The following SLC39A12 variants were observed in gnomAD, a reference collection of about 807,000 sequenced individuals.
SLC39A12 encodes the protein zinc transporter ZIP12.
SLC39A12 carries 63 observed loss-of-function variants against 71.1 expected under a neutral mutation model. The ratio of observed to expected loss-of-function variants is 0.89; its 90% CI spans 0.72 to 1.09. The LOEUF (loss-of-function observed/expected upper bound fraction) is 1.09. Among genes scored for constraint, SLC39A12 ranks in the 50% least tolerant of loss-of-function variants. The pLI, the probability that SLC39A12 is intolerant of heterozygous loss-of-function variation, is 0.00. For missense variants in SLC39A12, 892 were observed against 812.6 expected, an observed-to-expected ratio of 1.10 and a Z score of -1.19; for synonymous variants, 351 against 301.3, an observed-to-expected ratio of 1.16 and a Z score of -1.71.
intron 5 of SLC39A12, among the ~76,000 whole-genome samples, chr10:17,978,748 A>G (rs1468413072): frequency 6.6e-6 from 1 of 152,214 alleles, no homozygotes; most frequent in Non-Finnish European, 1.5e-5. Flanking sequence ...CTCTTCTCCA[A>G]TAATTCTTCT....
At chr10:17,956,924 G>A (rs1402781938) in intron 2 of SLC39A12, among the ~76,000 whole-genome samples, 1 of 152,020 alleles carries the variant, frequency 6.6e-6, no homozygotes, top group African/African-American at 2.4e-5. Flanking sequence ...ACCTGCCATC[G>A]GCAACATCCT....
At chr10:18,011,170 G>C (rs993281896) in intron 12 of SLC39A12, among the ~76,000 whole-genome samples, 20 of 151,864 alleles carry the variant, frequency 1.3e-4, no homozygotes, top group Non-Finnish European at 2.9e-4. Flanking sequence ...ACTTACTGCA[G>C]CCTCTGCCTC....
At chr10:17,990,914 G>A (rs1258203123) in intron 7 of SLC39A12, among the ~76,000 whole-genome samples, 1 of 152,116 alleles carries the variant, frequency 6.6e-6, no homozygotes, top group African/African-American at 2.4e-5. Flanking sequence ...GCTATTCAAA[G>A]CTCTCTTTTG....
chr10:18,036,794 A>ATTTTTTTT lies in SLC39A12; in HGVS notation c.1948-5907_1948-5900dup, dbSNP rs746691202. ...TATATATATATATATATATATATAT[A>ATTTTTTTT]TTTTTTTTTTTAATGGAATCTCACT... On this transcript the variant is annotated intron_variant, in intron 12 of 12. Coordinates refer to ENST00000377369, the MANE Select transcript of SLC39A12 (RefSeq NM_001145195.2). Among the ~76,000 whole-genome samples the ATTTTTTTT allele has an allele frequency of 8.2e-4, 76 of 92,846 alleles. 2 individuals are homozygous for ATTTTTTTT. The highest frequency in any genetic ancestry group is 1.7e-3 in the South Asian group (4 of 2,300). The allele number at this position is 92,846 out of a possible 152,430, so 60.9% of individuals were successfully genotyped here.
At chr10:17,956,408 T>A (rs1226728440) in intron 2 of SLC39A12, among the ~76,000 whole-genome samples, 1 of 147,404 alleles carries the variant, frequency 6.8e-6, no homozygotes, top group Non-Finnish European at 1.5e-5. Flanking sequence ...TCTCTGAGGA[T>A]CTCATGGATA....
In SLC39A12 at chr10:17,991,191, A is replaced by G; in HGVS notation, c.1310A>G (p.His437Arg). 6.4e-7 allele frequency: 1 copy of G among 1,569,626 alleles called. No homozygotes were observed. Among genetic ancestry groups the G allele is most frequent in the Non-Finnish European group, 8.6e-7 (1 of 1,163,086 alleles). Reference sequence around the variant, plus strand: ...AAGCAGGAAGCCCCAGAATTTGGGCATTTCCATGAAAGCAAAGGTCATATT... The same window carrying G: ...AAGCAGGAAGCCCCAGAATTTGGGCGTTTCCATGAAAGCAAAGGTCATATT... ...LHKQEAPEFG[H>R]FHESKGHIWK... Residue 437 changes from histidine (H) to arginine (R), a missense_variant, in exon 8 of 13, where the codon CAT becomes CGT. By Grantham distance (29) the His-to-Arg change is conservative. Coordinates refer to ENST00000377369, the MANE Select transcript of SLC39A12 (RefSeq NM_001145195.2).
intron 1 of SLC39A12, 119 bp from the exon 2 acceptor site, chr10:17,953,072 C>T: frequency 1.6e-6 from 1 of 620,174 alleles, no homozygotes; most frequent in Non-Finnish European, 2.7e-6. Context: ...TACCTACAGA[C>T]CCCCGCTGTG....
chr10:18,036,792 A>T (rs2357789), intron 12 of SLC39A12, among the ~76,000 whole-genome samples: 62,647 of 84,486 alleles, frequency 0.74, 21,557 homozygotes, highest in Middle Eastern at 0.83. Flanking sequence ...ATATATATAT[A>T]TATTTTTTTT....
rs1319675306 is a variant in SLC39A12, at chr10:18,036,788, A to ATTTTTT, written c.1948-5916_1948-5915insTTTTTT. Reference sequence around the variant, plus strand: ...TATATATATATATATATATATATATATATATATTTTTTTTTTTAATGGAAT... The same window carrying ATTTTTT: ...TATATATATATATATATATATATATATTTTTTTATATATTTTTTTTTTTAATGGAAT... On this transcript the variant is annotated intron_variant, in intron 12 of 12. Transcript: ENST00000377369. Among the ~76,000 whole-genome samples, 26 of 17,004 alleles carry ATTTTTT rather than the reference A, an allele frequency of 1.5e-3. 2 individuals are homozygous for ATTTTTT. Among genetic ancestry groups the ATTTTTT allele is most frequent in the African/African-American group, 3.9e-3 (22 of 5,640 alleles). 11.2% of individuals were successfully genotyped at this position (17,004 alleles called of 152,430 possible).
chr10:18,026,766 A>G (rs1022256234), intron 12 of SLC39A12, among the ~76,000 whole-genome samples: 1 of 152,024 alleles, frequency 6.6e-6, no homozygotes, highest in Non-Finnish European at 1.5e-5. Context: ...AAAATCCTCA[A>G]GCTCAAAGAT....
chr10:18,015,109 A>G (rs1836339585), intron 12 of SLC39A12, among the ~76,000 whole-genome samples: 1 of 152,160 alleles, frequency 6.6e-6, no homozygotes, highest in South Asian at 2.1e-4. Context: ...GATCTCATAG[A>G]TGAGTTTTTC....
chr10:17,980,880 A>T (rs545533279), intron 5 of SLC39A12, among the ~76,000 whole-genome samples: 1 of 152,184 alleles, frequency 6.6e-6, no homozygotes, highest in African/African-American at 2.4e-5. Flanking sequence ...AGGCTGACTA[A>T]ATCAAACAGT....
chr10:17,970,629 TTG>T (rs1834944749), intron 4 of SLC39A12, among the ~76,000 whole-genome samples: 1 of 151,954 alleles, frequency 6.6e-6, no homozygotes, highest in Non-Finnish European at 1.5e-5. Context: ...TATGTTGATG[TTG>T]TATTCTGCAA....
Position 18,036,792 on chromosome 10 carries a change from A to AT in SLC39A12, c.1948-5912dup, listed in dbSNP as rs1176352939. Among the ~76,000 whole-genome samples, 28 of 84,598 alleles carry AT rather than the reference A, an allele frequency of 3.3e-4. 1 individual carries two copies. The highest frequency in any genetic ancestry group is 4.7e-4 in the Non-Finnish European group (22 of 46,316). 55.5% of individuals were successfully genotyped at this position (84,598 alleles called of 152,430 possible). A position where few individuals can be genotyped will look rare whatever the true frequency, so the allele number is the denominator to read the frequency against. The stretch of plus-strand genomic sequence containing the variant: ...TATATATATATATATATATATATAT[A>AT]TATTTTTTTTTTTAATGGAATCTCA... On this transcript the variant is annotated intron_variant, in intron 12 of 12. Transcript: ENST00000377369.
At chr10:18,035,095 T>C (rs1212443209) in intron 12 of SLC39A12, among the ~76,000 whole-genome samples, 1 of 143,902 alleles carries the variant, frequency 6.9e-6, no homozygotes, top group Admixed American at 7.0e-5. Flanking sequence ...TTCCTTCATT[T>C]CAACTTTGGT....
Position 18,003,308 on chromosome 10 carries a change from A to G in SLC39A12, c.1897A>G (p.Ile633Val), listed in dbSNP as rs1241872894. 1 of 1,613,894 alleles carries G rather than the reference A, an allele frequency of 6.2e-7. No homozygotes were observed. Among genetic ancestry groups the G allele is most frequent in the African/African-American group, 1.3e-5 (1 of 74,898 alleles). The change falls in exon 12 of 13, where the codon ATC (isoleucine) becomes GTC (valine). Residue 633 changes from isoleucine to valine, a missense_variant. Ile to Val is a conservative substitution (Grantham distance 29, BLOSUM62 3). Coordinates refer to ENST00000377369, the MANE Select transcript of SLC39A12 (RefSeq NM_001145195.2). ...AGCTGATCCATGTGTTCAAGACTGGATCTTCACAGTCACTGCTGGGATGTT... is the reference window on the plus strand; with the variant it reads ...AGCTGATCCATGTGTTCAAGACTGGGTCTTCACAGTCACTGCTGGGATGTT... ...VSADPCVQDW[I>V]FTVTAGMFLY... is the part of the protein sequence containing the mutation.
At chr10:17,967,475 A>T (rs1440306190) in intron 4 of SLC39A12, among the ~76,000 whole-genome samples, 1 of 152,194 alleles carries the variant, frequency 6.6e-6, no homozygotes, top group East Asian at 1.9e-4. Flanking sequence ...TCACTACTTC[A>T]TCTTATTGAG....
chr10:17,980,247 A>G (rs1432318701), intron 5 of SLC39A12, among the ~76,000 whole-genome samples: 4 of 152,198 alleles, frequency 2.6e-5, no homozygotes, highest in Non-Finnish European at 4.4e-5. Context: ...CTTTGTATCC[A>G]TGAAATCATC....
At chr10:18,042,288 G>C (rs991416680) in intron 12 of SLC39A12, among the ~76,000 whole-genome samples, 2 of 151,978 alleles carry the variant, frequency 1.3e-5, no homozygotes, top group Admixed American at 1.3e-4. Context: ...GACCTGCCTG[G>C]GCAATACAGG....
Sources: allele counts gnomAD v4.1 joint callset (sites outside exome capture counted in the v4.1 genomes callset), GRCh38; gene constraint gnomAD v4.1.1; transcripts MANE v1.5; gene names NCBI Gene and HGNC (gene_info 2026-07-23, HGNC 2026-07-21).